DCLRE1C: variants seen among roughly 807,000 people sequenced by gnomAD.
The protein encoded by DCLRE1C is protein artemis.
DCLRE1C carries 47 observed loss-of-function variants against 61.4 expected under a neutral mutation model. The observed-to-expected ratio is 0.77, with a 90% CI of 0.61 to 0.98. The LOEUF (loss-of-function observed/expected upper bound fraction) is 0.98, where lower values mean the gene tolerates loss of function less well. DCLRE1C is among the 50% of genes least tolerant of loss of function. The pLI is 0.00. For missense variants in DCLRE1C, 858 were observed against 816.0 expected (o/e 1.05, Z -0.63); for synonymous variants, 337 against 287.6 (o/e 1.17, Z -1.74).
chr10:14,923,135 A>C, intron 11 of DCLRE1C, 66 bp from the exon 12 acceptor site: 1 of 1,246,060 alleles, frequency 8.0e-7, no homozygotes, highest in Non-Finnish European at 1.2e-6. Flanking sequence ...GGGGAGATAA[A>C]GGGAGGCTGG....
chr10:14,923,136 G>A, intron 11 of DCLRE1C, 67 bp from the exon 12 acceptor site: 1 of 1,202,258 alleles, frequency 8.3e-7, no homozygotes, highest in Admixed American at 1.8e-5. Context: ...GGGAGATAAA[G>A]GGAGGCTGGG....
chr10:14,930,624 G>C (rs148361632), intron 9 of DCLRE1C, among the ~76,000 whole-genome samples: 8 of 152,010 alleles, frequency 5.3e-5, no homozygotes, highest in African/African-American at 1.9e-4. Context: ...CTAGAGACGG[G>C]GTTTTGCCAC....
In DCLRE1C at chr10:14,908,415, T is replaced by C; in HGVS notation, c.2072A>G (p.Asp691Gly). Residue 691 changes from aspartate (D) to glycine (G), a missense_variant, in exon 14 of 14, where the codon GAT (aspartate) becomes GGT (glycine). Asp to Gly is a moderately conservative substitution (Grantham distance 94). Transcript: ENST00000378278. Reference sequence around the variant, plus strand: ...TTGAAACGCTTTGAATTCTTAGGTATCTAAGAGTGAGCATTTTCTTTTTTT... The same window carrying C: ...TTGAAACGCTTTGAATTCTTAGGTACCTAAGAGTGAGCATTTTCTTTTTTT... ...AVKKRKCSLL[D>G]T is the part of the protein sequence containing the mutation. 6.2e-7 allele frequency: 1 copy of C among 1,610,410 alleles called. No homozygotes were observed. Among genetic ancestry groups the C allele is most frequent in the Non-Finnish European group, 8.5e-7 (1 of 1,176,710 alleles).
rs1834265074 is a variant in DCLRE1C at position 14,904,888 on chromosome 10, T to C, written c.*3520A>G. 1.3e-5 allele frequency among the ~76,000 whole-genome samples: 2 copies of C among 152,348 alleles called. No homozygotes were observed. Among genetic ancestry groups the C allele is most frequent in the African/African-American group, 4.8e-5 (2 of 41,584 alleles). On this transcript the variant is annotated 3_prime_UTR_variant, in exon 14 of 14. Transcript: ENST00000378278. ...CACTGTATGTATTATATTGATACCA[T>C]CATTTTCAGGATCTACATTAAGAGG...
exon 14 of DCLRE1C, chr10:14,899,255 G>T (rs1479465806): frequency 7.1e-6 from 5 of 702,034 alleles, no homozygotes; most frequent in African/African-American, 7.0e-5. Flanking sequence ...AGGAGTTAAA[G>T]GATACAGGGA....
chr10:14,933,104 G>A, intron 8 of DCLRE1C, 149 bp from the exon 9 acceptor site: 1 of 841,810 alleles, frequency 1.2e-6, no homozygotes, highest in Non-Finnish European at 1.9e-6. Flanking sequence ...AGTGCACTCT[G>A]GTATTCCGCC....
chr10:14,923,220 T>TG (rs1352061248), intron 11 of DCLRE1C, 151 bp from the exon 12 acceptor site: 5 of 659,342 alleles, frequency 7.6e-6, no homozygotes, highest in South Asian at 3.2e-5. Context: ...AGGGACCTCT[T>TG]GGGAAAAAAA....
At position 14,911,682 on chromosome 10, in the gene DCLRE1C, CTG is replaced by C. The variant is rs751140879; in HGVS notation, c.1157-2354_1157-2353del. ...CCATCAAGAAGGTGAAAAGACAAGTCTGAGAAAATATTTCCTAATCATGTCAG... is the reference window on the plus strand; with the variant it reads ...CCATCAAGAAGGTGAAAAGACAAGTCAGAAAATATTTCCTAATCATGTCAG... On this transcript the variant is annotated intron_variant, in intron 13 of 13. Coordinates refer to ENST00000378278, the MANE Select transcript of DCLRE1C (RefSeq NM_001033855.3). Among the ~76,000 whole-genome samples the C allele has an allele frequency of 7.4e-4, 113 of 152,308 alleles. 1 individual carries two copies. The highest frequency in any genetic ancestry group is 2.6e-3 in the Admixed American group (40 of 15,300).
At chr10:14,941,941 T>C (rs1339118229) in intron 3 of DCLRE1C, among the ~76,000 whole-genome samples, 1 of 152,238 alleles carries the variant, frequency 6.6e-6, no homozygotes, top group African/African-American at 2.4e-5. Flanking sequence ...GCCCTGATTC[T>C]GCCGTGGCCT....
downstream of DCLRE1C, among the ~76,000 whole-genome samples, chr10:14,901,820 C>T (rs1359303878): frequency 6.6e-6 from 1 of 150,486 alleles, no homozygotes; most frequent in Non-Finnish European, 1.5e-5. Context: ...ACGACAGAGA[C>T]CCTGTCTGAA....
At chr10:14,929,421 T>G (rs1488077839) in intron 9 of DCLRE1C, among the ~76,000 whole-genome samples, 1 of 126,810 alleles carries the variant, frequency 7.9e-6, no homozygotes, top group African/African-American at 2.9e-5. Flanking sequence ...CATTTTTTTT[T>G]AATTAAAAAA....
chr10:14,922,793 C>T (rs1477934139), intron 12 of DCLRE1C, among the ~76,000 whole-genome samples, 188 bp downstream of exon 12: 2 of 152,130 alleles, frequency 1.3e-5, no homozygotes, highest in South Asian at 2.1e-4. Context: ...GACAACACTA[C>T]CTATACCTTC....
intron 3 of DCLRE1C, among the ~76,000 whole-genome samples, chr10:14,940,296 T>A (rs1260674241): frequency 2.0e-5 from 3 of 151,126 alleles, no homozygotes; most frequent in African/African-American, 4.9e-5. Context: ...TTTTATTTTT[T>A]TTTTTTTTCT....
intron 13 of DCLRE1C, chr10:14,899,524 G>C (rs1183518375): frequency 6.2e-7 from 1 of 1,613,144 alleles, no homozygotes. Context: ...TATACTTACA[G>C]TTTTTTCTGT....
chr10:14,899,520 T>C, intron 13 of DCLRE1C: 2 of 1,613,064 alleles, frequency 1.2e-6, no homozygotes, highest in Non-Finnish European at 1.7e-6. Context: ...GTAATATACT[T>C]ACAGTTTTTT....
rs2131776891 is a variant in DCLRE1C, at chr10:14,909,053, G to A, written c.1434C>T (p.His478=). The A allele has an allele frequency of 5.6e-6, 9 of 1,614,150 alleles. No individual in the cohort carries two copies. The highest frequency in any genetic ancestry group is 7.6e-6 in the Non-Finnish European group (9 of 1,180,022). The part of the protein sequence containing the change: ...SLQGDLGSVL[H]LQKADGDVPQ... ...GTACATCCCCATCAGCCTTTTGCAG[G>A]TGAAGTACAGAGCCCAGATCTCCTT... Residue 478 remains histidine, a synonymous_variant, in exon 14 of 14, where the codon CAC becomes CAT. Transcript: ENST00000378278.
In DCLRE1C at chr10:14,934,385, C is replaced by G; in HGVS notation, c.673G>C (p.Val225Leu). The part of the protein sequence containing the change: ...LFTNLSEELG[V>L]QVHVNKLDMF... ...AGAATGAACAGTCACCATACCTGGA[C>G]TCCTAATTCTTCACTAAGGTTGGTG... Residue 225 changes from valine (V) to leucine (L), a missense_variant, in exon 8 of 14, where the codon GTC becomes CTC. Val to Leu is a conservative substitution (Grantham distance 32, BLOSUM62 1). Coordinates refer to ENST00000378278, the MANE Select transcript of DCLRE1C (RefSeq NM_001033855.3). The G allele has an allele frequency of 6.2e-7, 1 of 1,613,554 alleles. No individual in the cohort carries two copies. Among genetic ancestry groups the G allele is most frequent in the Non-Finnish European group, 8.5e-7 (1 of 1,179,914 alleles).
rs188333177 is a variant in DCLRE1C at position 14,906,749 on chromosome 10, C to G, written c.*1659G>C. ...TGCTTCCATAATCTATGAAATGTCA[C>G]AATAACTAAGTGTTCCTGAATATCT... is the stretch of plus-strand genomic sequence containing the variant. On this transcript the variant is annotated 3_prime_UTR_variant, in exon 14 of 14. Coordinates refer to ENST00000378278, the MANE Select transcript of DCLRE1C (RefSeq NM_001033855.3). 6.6e-4 allele frequency among the ~76,000 whole-genome samples: 100 copies of G among 152,312 alleles called. No individual in the cohort carries two copies. The highest frequency in any genetic ancestry group is 2.2e-3 in the African/African-American group (90 of 41,574).
At chr10:14,910,562 G>A (rs147930158) in intron 13 of DCLRE1C, among the ~76,000 whole-genome samples, 10 of 152,170 alleles carry the variant, frequency 6.6e-5, no homozygotes, top group Non-Finnish European at 1.2e-4. Context: ...CCAAATTGCT[G>A]GAATTAGAGG....
Sources: allele counts gnomAD v4.1 joint callset (sites outside exome capture counted in the v4.1 genomes callset), GRCh38; gene constraint gnomAD v4.1.1; transcripts MANE v1.5; gene names NCBI Gene and HGNC (gene_info 2026-07-23, HGNC 2026-07-21).